Variants in KPNA4 observed in about 807,000 individuals in gnomAD.
KPNA4 encodes importin subunit alpha-3.
KPNA4 carries 13 observed loss-of-function variants against 71.3 expected under a neutral mutation model. The ratio of observed to expected loss-of-function variants is 0.18; its 90% CI spans 0.12 to 0.29. KPNA4 has a LOEUF of 0.29. Among genes scored for constraint, KPNA4 ranks in the 10% least tolerant of loss-of-function variants. The pLI is 1.00. For missense variants in KPNA4, 334 were observed against 603.2 expected (o/e 0.55, Z 4.67); for synonymous variants, 189 against 195.2 (o/e 0.97, Z 0.26).
intron 1 of KPNA4, among the ~76,000 whole-genome samples, chr3:160,551,741 T>A (rs186003240): frequency 6.6e-6 from 1 of 151,288 alleles, no homozygotes; most frequent in African/African-American, 2.4e-5. Context: ...CTGAAATGCC[T>A]AGCTAATTAA....
At chr3:160,536,225 A>G (rs1328464693) in intron 2 of KPNA4, among the ~76,000 whole-genome samples, 1 of 152,136 alleles carries the variant, frequency 6.6e-6, no homozygotes, top group Non-Finnish European at 1.5e-5. Context: ...ATATTTATTT[A>G]AAAGTACTAA....
At chr3:160,516,357 T>C (rs942735785) in intron 11 of KPNA4, among the ~76,000 whole-genome samples, 1 of 151,144 alleles carries the variant, frequency 6.6e-6, no homozygotes, top group East Asian at 1.9e-4. Flanking sequence ...GATGTGAAGA[T>C]AGACACATGT....
At chr3:160,511,715 T>C (rs1486700469) in intron 13 of KPNA4, among the ~76,000 whole-genome samples, 1 of 44,232 alleles carries the variant, frequency 2.3e-5, no homozygotes, top group Non-Finnish European at 6.6e-5. Context: ...TTGTTATTTT[T>C]ATATATATAT....
chr3:160,504,397 A>AT (rs1720940756), intron 16 of KPNA4, among the ~76,000 whole-genome samples: 1 of 152,334 alleles, frequency 6.6e-6, no homozygotes, highest in South Asian at 2.1e-4. Context: ...TTAATTTTAG[A>AT]TTTACTTTTC....
Position 160,509,823 on chromosome 3 carries a change from T to A in KPNA4, c.1186A>T (p.Thr396Ser). 6.2e-7 allele frequency: 1 copy of A among 1,611,438 alleles called. No homozygotes were observed. The highest frequency in any genetic ancestry group is 8.5e-7 in the Non-Finnish European group (1 of 1,177,906). Residue 396 changes from threonine to serine, a missense_variant, in exon 14 of 17, where the codon ACA becomes TCA. By Grantham distance (58) the Thr-to-Ser change is moderately conservative (BLOSUM62 1). Transcript: ENST00000334256. ...ACTTGATCTTTCCTTCCACTAATTG[T>A]TAAGTTACTTATGGCCCAAGCAGCT... ...KEAAWAISNL[T>S]ISGRKDQVAY...
intron 1 of KPNA4, among the ~76,000 whole-genome samples, chr3:160,562,832 T>C (rs149714932): frequency 6.6e-6 from 1 of 152,356 alleles, no homozygotes; most frequent in East Asian, 1.9e-4. Context: ...AATATATACT[T>C]ATTTTTTAAA....
At chr3:160,528,596 C>T (rs928617517) in intron 7 of KPNA4, among the ~76,000 whole-genome samples, 5 of 152,142 alleles carry the variant, frequency 3.3e-5, no homozygotes. Flanking sequence ...AAACTCATGA[C>T]CTCAAGTGAT....
rs1721494866 is a variant in KPNA4, at chr3:160,528,042, G to A, written c.470-3C>T. Reference sequence around the variant, plus strand: ...CCTCAGGAAAAGTGGCACAGCATCTGATGGAAGAAAAAATAACAATACTTA... The same window carrying A: ...CCTCAGGAAAAGTGGCACAGCATCTAATGGAAGAAAAAATAACAATACTTA... On this transcript the variant is annotated splice_region_variant and splice_polypyrimidine_tract_variant and intron_variant, in intron 7 of 16. Transcript: ENST00000334256. The A allele has an allele frequency of 6.2e-7, 1 of 1,608,112 alleles. No homozygotes were observed.
chr3:160,525,005 A>G (rs890754110), intron 10 of KPNA4, among the ~76,000 whole-genome samples: 24 of 152,200 alleles, frequency 1.6e-4, no homozygotes. Context: ...CATTTCATTC[A>G]TGTGTTTTCC....
In KPNA4 at chr3:160,565,287, G is replaced by A; in HGVS notation, c.-5C>T. 1.9e-6 allele frequency: 3 copies of A among 1,596,774 alleles called. No homozygotes were observed. Among genetic ancestry groups the A allele is most frequent in the Non-Finnish European group, 2.6e-6 (3 of 1,172,006 alleles). ...CAGTTTCTCGTTGTCCGCCATGGCC[G>A]GGCCGGTGACTCCTTCCCCCGCCCG... On this transcript the variant is annotated 5_prime_UTR_variant, in exon 1 of 17. Coordinates refer to ENST00000334256, the MANE Select transcript of KPNA4 (RefSeq NM_002268.5).
intron 7 of KPNA4, 83 bp downstream of exon 7, chr3:160,530,772 C>A: frequency 1.1e-6 from 1 of 878,604 alleles, no homozygotes. Flanking sequence ...ATTTAAATTG[C>A]CATAGTCTTT....
At chr3:160,514,337 C>T (rs971781836) in intron 12 of KPNA4, among the ~76,000 whole-genome samples, 156 bp from the exon 13 acceptor site, 2 of 152,222 alleles carry the variant, frequency 1.3e-5, no homozygotes, top group Non-Finnish European at 2.9e-5. Flanking sequence ...ACACCCCTTT[C>T]CATATTTTCT....
At position 160,509,680 on chromosome 3, in the gene KPNA4, C is replaced by T. The variant is rs918232115; in HGVS notation, c.1209+120G>A. 5 of 744,386 alleles carry T rather than the reference C, an allele frequency of 6.7e-6. No individual in the cohort carries two copies. In the African/African-American group the frequency reaches 8.8e-5, roughly 13 times the overall value. 46.1% of individuals were successfully genotyped at this position (744,386 alleles called of 1,614,324 possible). On this transcript the variant is annotated intron_variant, in intron 14 of 16. Coordinates refer to ENST00000334256, the MANE Select transcript of KPNA4 (RefSeq NM_002268.5). ...ACCCTGGCCTCGGGTGATCCTCCAG[C>T]CTTGGCCTCCCAGGGTGTTGCTATT...
intron 16 of KPNA4, among the ~76,000 whole-genome samples, 155 bp from the exon 17 acceptor site, chr3:160,502,357 T>C (rs115121278): frequency 8.3e-4 from 126 of 152,114 alleles, no homozygotes; most frequent in Non-Finnish European, 1.5e-3. Context: ...AAACAGTTTA[T>C]AGAAGGTTTT....
Position 160,505,091 on chromosome 3 carries a change from T to G in KPNA4, c.1373-39A>C, listed in dbSNP as rs141149440. ...TGCAATGTGAAACAATAGTAATATT[T>G]AAAGAGCAGTGACAAGTTAGAATAA... On this transcript the variant is annotated intron_variant, in intron 15 of 16. Coordinates refer to ENST00000334256, the MANE Select transcript of KPNA4 (RefSeq NM_002268.5). 2.5e-4 allele frequency: 270 copies of G among 1,059,532 alleles called. 2 individuals carry two copies. In the East Asian group the frequency reaches 7.0e-3, roughly 27 times the overall value. 65.6% of individuals were successfully genotyped at this position (1,059,532 alleles called of 1,614,324 possible). A position where few individuals can be genotyped will look rare whatever the true frequency, so the allele number is the denominator to read the frequency against.
intron 13 of KPNA4, 142 bp from the exon 14 acceptor site, chr3:160,510,013 A>G: frequency 1.6e-6 from 1 of 631,926 alleles, no homozygotes; most frequent in East Asian, 2.7e-5. Flanking sequence ...TCTTATTAAG[A>G]CAGGTCTTTG....
rs1168272851 is a variant in KPNA4, at chr3:160,500,163, C to T, written c.*1941G>A. On this transcript the variant is annotated 3_prime_UTR_variant, in exon 17 of 17. Transcript: ENST00000334256. Reference sequence around the variant, plus strand: ...ATCCACACACCACACACACACACCCCATGTAAAACATTGCTTTAAGTTTTA... The same window carrying T: ...ATCCACACACCACACACACACACCCTATGTAAAACATTGCTTTAAGTTTTA... The T allele has an allele frequency of 1.3e-5, 2 of 152,092 alleles. 1 individual carries two copies. The highest frequency in any genetic ancestry group is 1.3e-4 in the Admixed American group (2 of 15,218). 9.4% of individuals were successfully genotyped at this position (152,092 alleles called of 1,614,324 possible).
chr3:160,513,890 C>G (rs1222461872), intron 13 of KPNA4, among the ~76,000 whole-genome samples, 187 bp downstream of exon 13: 1 of 151,918 alleles, frequency 6.6e-6, no homozygotes, highest in Non-Finnish European at 1.5e-5. Flanking sequence ...GCCCCCCACC[C>G]CCCAAAAAGT....
intron 13 of KPNA4, 100 bp from the exon 14 acceptor site, chr3:160,509,971 C>CTTT: frequency 1.3e-6 from 1 of 767,014 alleles, no homozygotes; most frequent in Non-Finnish European, 2.3e-6. Flanking sequence ...TTCCCAAGGT[C>CTTT]TCCTTTTAGT....
Sources: gnomAD v4.1 joint callset for allele counts (sites outside exome capture counted in the v4.1 genomes callset) on GRCh38, gnomAD v4.1.1 for gene constraint, MANE v1.5 for transcripts, NCBI Gene and HGNC (gene_info 2026-07-23, HGNC 2026-07-21) for gene names.